The following CSMD1 variants were observed in gnomAD, a reference collection of about 807,000 sequenced individuals.
The protein encoded by CSMD1 is CUB and sushi domain-containing protein 1.
Under a neutral mutation model 417.5 loss-of-function variants are expected in CSMD1, and 213 were observed. The observed-to-expected ratio is 0.51, with a 90% CI of 0.46 to 0.57. The LOEUF (loss-of-function observed/expected upper bound fraction) is 0.57. Ranked by LOEUF, CSMD1 falls within the 20% of genes least tolerant of loss-of-function variation. CSMD1 has a pLI of 0.00. For synonymous variants in CSMD1, 2,862 were observed against 1,736.8 expected (o/e 1.65, Z -16.11); for missense variants, 6,923 against 4,529.7 (o/e 1.53, Z -15.17).
At chr8:4,310,344 G>C (rs1294987253) in intron 3 of CSMD1, among the ~76,000 whole-genome samples, 3 of 152,192 alleles carry the variant, frequency 2.0e-5, no homozygotes, top group East Asian at 1.9e-4. Context: ...GGAATGAATG[G>C]GTATCTTGGT....
chr8:3,725,661 A>G (rs1260499279), intron 6 of CSMD1, among the ~76,000 whole-genome samples: 1 of 151,954 alleles, frequency 6.6e-6, no homozygotes, highest in Non-Finnish European at 1.5e-5. Context: ...TGAGCAGTGG[A>G]GGACCCGGTC....
intron 52 of CSMD1, among the ~76,000 whole-genome samples, chr8:3,006,814 A>G (rs1342875696): frequency 6.7e-6 from 1 of 150,050 alleles, no homozygotes; most frequent in East Asian, 1.9e-4. Flanking sequence ...TAAAACCATA[A>G]AAACCCTAGA....
intron 2 of CSMD1, among the ~76,000 whole-genome samples, chr8:4,622,912 G>T (rs1016685556): frequency 1.3e-5 from 2 of 152,054 alleles, no homozygotes; most frequent in Non-Finnish European, 2.9e-5. Flanking sequence ...ATTTAGGAAG[G>T]TCACGGAATA....
intron 3 of CSMD1, among the ~76,000 whole-genome samples, chr8:4,159,492 G>C (rs765409296): frequency 6.6e-6 from 1 of 152,136 alleles, no homozygotes; most frequent in Non-Finnish European, 1.5e-5. Context: ...TCAACGAGTG[G>C]ATAAAGAAAC....
At chr8:4,730,868 G>A (rs1809806629) in intron 1 of CSMD1, among the ~76,000 whole-genome samples, 2 of 152,000 alleles carry the variant, frequency 1.3e-5, no homozygotes, top group African/African-American at 4.8e-5. Flanking sequence ...AACGAGAAAT[G>A]TCTCCCTTGA....
At chr8:4,240,523 C>G (rs890963845) in intron 3 of CSMD1, among the ~76,000 whole-genome samples, 1 of 152,144 alleles carries the variant, frequency 6.6e-6, no homozygotes, top group African/African-American at 2.4e-5. Flanking sequence ...TGGAAACTAA[C>G]CTGATTGTGT....
Position 4,004,912 on chromosome 8 carries a change from T to A in CSMD1, c.611-6802A>T, listed in dbSNP as rs183228054. 3.7e-3 allele frequency among the ~76,000 whole-genome samples: 569 copies of A among 152,022 alleles called. 3 individuals carry two copies. The highest frequency in any genetic ancestry group is 0.02 in the Middle Eastern group (6 of 294). ...GGCGCCCGCCACCATGCCCAGCTAA[T>A]TTTTTGTATTTTTAGTAGAGACAGG... On this transcript the variant is annotated intron_variant, in intron 4 of 69. Coordinates refer to ENST00000635120, the MANE Select transcript of CSMD1 (RefSeq NM_033225.6).
At chr8:4,801,165 C>T (rs1201369027) in intron 1 of CSMD1, among the ~76,000 whole-genome samples, 5 of 152,188 alleles carry the variant, frequency 3.3e-5, no homozygotes, top group Admixed American at 3.3e-4. Context: ...CAATGTCTTA[C>T]TTCAGACTGT....
chr8:4,695,896 T>C (rs1377581898), intron 1 of CSMD1, among the ~76,000 whole-genome samples: 2 of 152,226 alleles, frequency 1.3e-5, no homozygotes, highest in Non-Finnish European at 2.9e-5. Context: ...ACCCTATGTA[T>C]TTGCCAAATT....
chr8:3,932,167 T>C (rs939810710), intron 5 of CSMD1, among the ~76,000 whole-genome samples: 1 of 150,366 alleles, frequency 6.7e-6, no homozygotes. Context: ...GAAACTCAGA[T>C]ATTCCTAACT....
rs117937912 is a variant in CSMD1 at position 4,289,970 on chromosome 8, T to G, written c.415+129983A>C. On this transcript the variant is annotated intron_variant, in intron 3 of 69. Coordinates refer to ENST00000635120, the MANE Select transcript of CSMD1 (RefSeq NM_033225.6). ...TCTTCTTGAGAGGAGACTCATTATT[T>G]CATTCAGCTTGTATATTTAAGGAAT... Among the ~76,000 whole-genome samples the G allele has an allele frequency of 5.1e-3, 774 of 152,336 alleles. 4 individuals carry two copies. Among genetic ancestry groups the G allele is most frequent in the South Asian group, 9.9e-3 (48 of 4,832 alleles).
At chr8:3,013,689 T>G (rs1167571548) in intron 52 of CSMD1, among the ~76,000 whole-genome samples, 1 of 151,022 alleles carries the variant, frequency 6.6e-6, no homozygotes, top group Non-Finnish European at 1.5e-5. Flanking sequence ...GAGGTGGAGG[T>G]TGCAGTGAGC....
chr8:4,558,532 C>G (rs1268369450), intron 2 of CSMD1, among the ~76,000 whole-genome samples: 1 of 152,094 alleles, frequency 6.6e-6, no homozygotes, highest in Non-Finnish European at 1.5e-5. Flanking sequence ...CAGGAAGACT[C>G]CGAAAGCAAG....
intron 3 of CSMD1, among the ~76,000 whole-genome samples, chr8:4,389,295 C>A (rs924990134): frequency 6.6e-6 from 1 of 152,012 alleles, no homozygotes; most frequent in Admixed American, 6.6e-5. Flanking sequence ...TTAGAAAATG[C>A]GATCATATAA....
intron 3 of CSMD1, among the ~76,000 whole-genome samples, chr8:4,310,996 A>T (rs1378879576): frequency 6.6e-6 from 1 of 152,238 alleles, no homozygotes; most frequent in East Asian, 1.9e-4. Context: ...AAGTACAAAG[A>T]TAATAGAAAG....
At chr8:2,980,864 C>T (rs182213917) in intron 54 of CSMD1, among the ~76,000 whole-genome samples, 4 of 152,290 alleles carry the variant, frequency 2.6e-5, no homozygotes, top group Non-Finnish European at 4.4e-5. Flanking sequence ...CTTTCCTTTA[C>T]CTAGTTCACT....
chr8:4,986,837 T>C (rs1345631474), intron 1 of CSMD1, among the ~76,000 whole-genome samples: 1 of 152,178 alleles, frequency 6.6e-6, no homozygotes, highest in Non-Finnish European at 1.5e-5. Context: ...ATATTCTTCA[T>C]GAAATCAGTG....
At chr8:4,283,731 G>C (rs1352361971) in intron 3 of CSMD1, among the ~76,000 whole-genome samples, 1 of 151,898 alleles carries the variant, frequency 6.6e-6, no homozygotes. Context: ...AACTCCTCAA[G>C]GAATGCATGA....
Position 4,598,580 on chromosome 8 carries a change from T to TA in CSMD1, c.302+38761dup, listed in dbSNP as rs1236564343. 3.3e-5 allele frequency among the ~76,000 whole-genome samples: 5 copies of TA among 152,294 alleles called. No individual in the cohort carries two copies. In the East Asian group the frequency reaches 7.7e-4, roughly 24 times the overall value. ...AAAACTCCACATTGGTTCAAGATTA[T>TA]AAAAAATCCACTTTAGATACATTTG... On this transcript the variant is annotated intron_variant, in intron 2 of 69. Transcript: ENST00000635120.
Sources: allele counts gnomAD v4.1 joint callset (sites outside exome capture counted in the v4.1 genomes callset), GRCh38; gene constraint gnomAD v4.1.1; transcripts MANE v1.5; gene names NCBI Gene and HGNC (gene_info 2026-07-23, HGNC 2026-07-21).